The following SEMA3E variants were observed in gnomAD, a reference collection of about 807,000 sequenced individuals.
SEMA3E encodes semaphorin 3E, also known as semaphorin-3E.
SEMA3E carries 49 observed loss-of-function variants against 93.6 expected under a neutral mutation model. That is an observed-to-expected ratio of 0.52 (90% CI 0.42 to 0.66). SEMA3E has a LOEUF of 0.66. Among genes scored for constraint, SEMA3E ranks in the 30% least tolerant of loss-of-function variants. The probability of loss-of-function intolerance (pLI) is 0.00; values close to 1 mark genes in which losing one functional copy is unlikely to be tolerated. For synonymous variants in SEMA3E, 363 were observed against 330.7 expected (o/e 1.10, Z -1.06); for missense variants, 906 against 964.8 (o/e 0.94, Z 0.81).
chr7:83,506,739 C>G (rs1477353492), intron 1 of SEMA3E, among the ~76,000 whole-genome samples: 1 of 151,886 alleles, frequency 6.6e-6, no homozygotes, highest in Non-Finnish European at 1.5e-5. Context: ...ACTCAGAAAA[C>G]AAGTAAGTTG....
Position 83,430,917 on chromosome 7 carries a change from C to T in SEMA3E, c.457-12434G>A, listed in dbSNP as rs140269987. Reference sequence around the variant, plus strand: ...TATACGAAACCAAAAGTTACTATGGCCAAGGAAGAAATTTCAAAGACAAAT... The same window carrying T: ...TATACGAAACCAAAAGTTACTATGGTCAAGGAAGAAATTTCAAAGACAAAT... On this transcript the variant is annotated intron_variant, in intron 4 of 16. Transcript: ENST00000643230. Among the ~76,000 whole-genome samples the T allele has an allele frequency of 3.3e-3, 501 of 151,708 alleles. 10 individuals are homozygous for T. Among genetic ancestry groups the T allele is most frequent in the Admixed American group, 0.023 (351 of 15,264 alleles).
chr7:83,390,044 T>TACAC (rs1292285199), intron 14 of SEMA3E, among the ~76,000 whole-genome samples: 1 of 144,516 alleles, frequency 6.9e-6, no homozygotes, highest in Non-Finnish European at 1.5e-5. Context: ...TACACATATA[T>TACAC]GCGCGTATAC....
At chr7:83,632,778 G>A (rs1287912622) in intron 1 of SEMA3E, among the ~76,000 whole-genome samples, 1 of 152,110 alleles carries the variant, frequency 6.6e-6, no homozygotes, top group African/African-American at 2.4e-5. Context: ...ACTAAAATAT[G>A]GAAAATGATT....
At chr7:83,381,267 T>C (rs1277337916) in intron 16 of SEMA3E, among the ~76,000 whole-genome samples, 1 of 151,972 alleles carries the variant, frequency 6.6e-6, no homozygotes, top group Non-Finnish European at 1.5e-5. Flanking sequence ...TGGTTCATGG[T>C]CTATTAGTCT....
chr7:83,616,785 C>T (rs1473528763), intron 1 of SEMA3E: 16 of 437,352 alleles, frequency 3.7e-5, no homozygotes, highest in Non-Finnish European at 5.9e-5. Flanking sequence ...AGTGCAAAGG[C>T]GTGATCTCCT....
chr7:83,591,718 A>G (rs1792760326), intron 1 of SEMA3E, among the ~76,000 whole-genome samples: 1 of 152,082 alleles, frequency 6.6e-6, no homozygotes, highest in Non-Finnish European at 1.5e-5. Context: ...ACTTTTGCAA[A>G]AAGTACAAAA....
chr7:83,625,818 T>C (rs1793658616), intron 1 of SEMA3E, among the ~76,000 whole-genome samples: 1 of 152,080 alleles, frequency 6.6e-6, no homozygotes, highest in African/African-American at 2.4e-5. Flanking sequence ...CTTTTGCCCA[T>C]CCATGATGAT....
intron 1 of SEMA3E, among the ~76,000 whole-genome samples, chr7:83,591,713 T>C (rs879213977): frequency 2.0e-5 from 3 of 151,984 alleles, no homozygotes; most frequent in African/African-American, 7.2e-5. Context: ...ATAAAACTTT[T>C]GCAAAAAGTA....
chr7:83,366,812 TACC>T lies in SEMA3E; in HGVS notation c.*771_*773del, dbSNP rs969776664. On this transcript the variant is annotated 3_prime_UTR_variant, in exon 17 of 17. Transcript: ENST00000643230. ...AAATGTGTGAGAATATAATTTTTTT[TACC>T]ACAAGAGGGAAGCAAAAATCTTTTA... is the stretch of plus-strand genomic sequence containing the variant. The T allele has an allele frequency of 4.6e-5, 7 of 152,308 alleles. No homozygotes were observed. The highest frequency in any genetic ancestry group is 3.9e-4 in the East Asian group (2 of 5,182). 9.4% of individuals were successfully genotyped at this position (152,308 alleles called of 1,614,324 possible).
intron 11 of SEMA3E, among the ~76,000 whole-genome samples, chr7:83,397,742 A>G (rs1788153440): frequency 6.6e-6 from 1 of 152,200 alleles, no homozygotes. Flanking sequence ...TTAGAAAAAA[A>G]AGAACACTTT....
At chr7:83,429,043 C>A (rs1201171658) in intron 4 of SEMA3E, among the ~76,000 whole-genome samples, 1 of 151,922 alleles carries the variant, frequency 6.6e-6, no homozygotes, top group African/African-American at 2.4e-5. Flanking sequence ...GGTTGAATGT[C>A]ATTTATAAGG....
Position 83,424,879 on chromosome 7 carries a change from G to T in SEMA3E, c.457-6396C>A. On this transcript the variant is annotated intron_variant, in intron 4 of 16. Coordinates refer to ENST00000643230, the MANE Select transcript of SEMA3E (RefSeq NM_012431.3). ...TTTGAAGATGGAGGAATGGGGCCCT[G>T]ACCTACAGAGATGCCTACTCAGGAG... 1.1e-5 allele frequency: 3 copies of T among 273,742 alleles called. No homozygotes were observed. The South Asian group carries it at 1.5e-4, about 13-fold the overall frequency. 17.0% of individuals were successfully genotyped at this position (273,742 alleles called of 1,614,324 possible).
intron 2 of SEMA3E, among the ~76,000 whole-genome samples, chr7:83,471,045 C>T (rs1001406688): frequency 2.0e-5 from 3 of 151,684 alleles, no homozygotes; most frequent in African/African-American, 7.2e-5. Flanking sequence ...ATCATTAGTT[C>T]TGTTAAACAT....
intron 1 of SEMA3E, among the ~76,000 whole-genome samples, chr7:83,568,182 G>A (rs1054493124): frequency 6.6e-6 from 1 of 152,072 alleles, no homozygotes; most frequent in Non-Finnish European, 1.5e-5. Flanking sequence ...GAATCAGGAT[G>A]AAACAGTAAA....
rs1387880831 is a variant in SEMA3E, at chr7:83,363,448, C to T, written c.*4138G>A. On this transcript the variant is annotated 3_prime_UTR_variant, in exon 17 of 17. Coordinates refer to ENST00000643230, the MANE Select transcript of SEMA3E (RefSeq NM_012431.3). ...AATATGGCACACACTGTTATGAACCCAGCCAAGCAAATAAAAGGATACCAT... is the reference window on the plus strand; with the variant it reads ...AATATGGCACACACTGTTATGAACCTAGCCAAGCAAATAAAAGGATACCAT... 1 of 152,174 alleles carries T rather than the reference C, an allele frequency of 6.6e-6. No homozygotes were observed. Among genetic ancestry groups the T allele is most frequent in the South Asian group, 2.1e-4 (1 of 4,824 alleles). 9.4% of individuals were successfully genotyped at this position (152,174 alleles called of 1,614,324 possible).
chr7:83,504,649 ATTC>A (rs1169340506), intron 1 of SEMA3E, among the ~76,000 whole-genome samples: 1 of 152,130 alleles, frequency 6.6e-6, no homozygotes, highest in Non-Finnish European at 1.5e-5. Flanking sequence ...TGCTAACCAA[ATTC>A]TTCTTCTGTT....
At chr7:83,460,850 G>T (rs1473486671) in intron 4 of SEMA3E, among the ~76,000 whole-genome samples, 4 of 151,154 alleles carry the variant, frequency 2.6e-5, no homozygotes, top group East Asian at 3.9e-4. Flanking sequence ...TTTCTGGAAG[G>T]TAAGAACCCC....
chr7:83,609,041 G>A (rs1793191108), intron 1 of SEMA3E, among the ~76,000 whole-genome samples: 2 of 152,098 alleles, frequency 1.3e-5, no homozygotes, highest in South Asian at 4.1e-4. Context: ...TAAGTATTGA[G>A]AAAGATAATT....
At chr7:83,421,905 C>A (rs1459508901) in intron 4 of SEMA3E, among the ~76,000 whole-genome samples, 1 of 152,132 alleles carries the variant, frequency 6.6e-6, no homozygotes, top group Admixed American at 6.6e-5. Flanking sequence ...GTGCCGGGCA[C>A]GGTGGCTCAC....
Sources: allele counts gnomAD v4.1 joint callset (sites outside exome capture counted in the v4.1 genomes callset), GRCh38; gene constraint gnomAD v4.1.1; transcripts MANE v1.5; gene names NCBI Gene and HGNC (gene_info 2026-07-23, HGNC 2026-07-21).